ROBO2: variants seen among roughly 807,000 people sequenced by gnomAD.
ROBO2 encodes the protein roundabout homolog 2.
In ROBO2, 53 loss-of-function variants were observed where a neutral mutation model predicts 160.8. That is an observed-to-expected ratio of 0.33 (90% confidence interval 0.26 to 0.41). The LOEUF (loss-of-function observed/expected upper bound fraction) is 0.41. ROBO2 is among the 10% of genes least tolerant of loss of function. The pLI is 1.00. For missense variants in ROBO2, 1,577 were observed against 1,722.4 expected, an observed-to-expected ratio of 0.92 and a Z score of 1.49; for synonymous variants, 664 against 611.7, an observed-to-expected ratio of 1.09 and a Z score of -1.26.
intron 6 of ROBO2, among the ~76,000 whole-genome samples, chr3:77,532,480 A>G (rs1440004083): frequency 6.6e-6 from 1 of 151,952 alleles, no homozygotes; most frequent in Non-Finnish European, 1.5e-5. Context: ...TTATTTCAAT[A>G]ACCTTTTCTT....
At chr3:77,460,804 A>T (rs552261818) in intron 2 of ROBO2, among the ~76,000 whole-genome samples, 2 of 152,302 alleles carry the variant, frequency 1.3e-5, no homozygotes, top group South Asian at 4.1e-4. Context: ...ACATGGAGTT[A>T]TTATATCTGC....
At chr3:76,435,032 T>G (rs3849491) in intron 2 of ROBO2, 13 of 1,345,236 alleles carry the variant, frequency 9.7e-6, no homozygotes, top group Non-Finnish European at 1.4e-5. Flanking sequence ...TGATTGAGGA[T>G]GCAGAGCTGA....
intron 2 of ROBO2, among the ~76,000 whole-genome samples, chr3:77,366,948 C>G (rs2070994397): frequency 6.6e-6 from 1 of 151,772 alleles, no homozygotes. Context: ...GGGACCACCT[C>G]CATTAGGCCC....
chr3:77,072,386 C>T (rs560044715), intron 1 of ROBO2, among the ~76,000 whole-genome samples: 2 of 152,258 alleles, frequency 1.3e-5, no homozygotes, highest in African/African-American at 4.8e-5. Context: ...TCCTGCCGCC[C>T]ACACTACTCC....
intron 2 of ROBO2, among the ~76,000 whole-genome samples, chr3:77,253,794 C>T (rs1292217516): frequency 6.6e-6 from 1 of 152,060 alleles, no homozygotes; most frequent in Admixed American, 6.6e-5. Context: ...ACTCTAGAAC[C>T]AGATCATATT....
At position 76,077,895 on chromosome 3, in the gene ROBO2, A is replaced by G. The variant is rs138292400; in HGVS notation, c.109+140293A>G. ...ATTCTAAGACAAACACTAGTTGCCA[A>G]CTTCCATTGATAACCATTCCCCCTT... On this transcript the variant is annotated intron_variant, in intron 2 of 26. Coordinates refer to the ROBO2 transcript ENST00000487694. Among the ~76,000 whole-genome samples the G allele has an allele frequency of 4.3e-3, 659 of 152,302 alleles. 7 individuals carry two copies. The highest frequency in any genetic ancestry group is 0.015 in the African/African-American group (620 of 41,568).
At chr3:76,470,195 A>G (rs2078583250) in intron 2 of ROBO2, among the ~76,000 whole-genome samples, 2 of 152,160 alleles carry the variant, frequency 1.3e-5, no homozygotes, top group African/African-American at 4.8e-5. Context: ...TATCATTGCT[A>G]TCACAGCTGG....
chr3:76,039,402 C>T (rs72890396), intron 2 of ROBO2, among the ~76,000 whole-genome samples: 1 of 152,012 alleles, frequency 6.6e-6, no homozygotes, highest in African/African-American at 2.4e-5. Flanking sequence ...CAAATGTAGG[C>T]AATCACATAT....
At chr3:76,467,936 T>A (rs1012953346) in intron 2 of ROBO2, among the ~76,000 whole-genome samples, 14 of 152,150 alleles carry the variant, frequency 9.2e-5, no homozygotes, top group Non-Finnish European at 1.3e-4. Flanking sequence ...AGTATTTTTT[T>A]AAAAATTAAT....
intron 2 of ROBO2, among the ~76,000 whole-genome samples, chr3:77,302,079 T>G (rs2062709318): frequency 6.6e-6 from 1 of 150,644 alleles, no homozygotes; most frequent in South Asian, 2.1e-4. Flanking sequence ...ACTAAAGAAC[T>G]TTTTTTTTCC....
intron 2 of ROBO2, among the ~76,000 whole-genome samples, chr3:76,018,504 C>T (rs1372888654): frequency 6.6e-6 from 1 of 151,144 alleles, no homozygotes; most frequent in African/African-American, 2.4e-5. Context: ...TTATTTTTTC[C>T]CTAATATCTT....
chr3:76,817,623 G>A (rs908695807), intron 2 of ROBO2, among the ~76,000 whole-genome samples: 5 of 151,980 alleles, frequency 3.3e-5, no homozygotes, highest in African/African-American at 1.2e-4. Flanking sequence ...CACCCAATGT[G>A]TAGTCTCCTG....
At chr3:76,942,914 T>A (rs1315040171) in intron 2 of ROBO2, among the ~76,000 whole-genome samples, 1 of 152,190 alleles carries the variant, frequency 6.6e-6, no homozygotes, top group Non-Finnish European at 1.5e-5. Flanking sequence ...TTAACTTATG[T>A]TGAGCACCAA....
chr3:76,201,618 T>C (rs1190941505), intron 2 of ROBO2, among the ~76,000 whole-genome samples: 1 of 152,076 alleles, frequency 6.6e-6, no homozygotes, highest in Non-Finnish European at 1.5e-5. Flanking sequence ...AGGTTATAGC[T>C]CTTCCCCATC....
chr3:77,465,869 G>A (rs1286287557), intron 2 of ROBO2, among the ~76,000 whole-genome samples: 1 of 152,082 alleles, frequency 6.6e-6, no homozygotes, highest in East Asian at 1.9e-4. Flanking sequence ...CACTGTCAAT[G>A]GTGTAATATG....
At chr3:77,353,555 G>A (rs2068645461) in intron 2 of ROBO2, among the ~76,000 whole-genome samples, 1 of 152,092 alleles carries the variant, frequency 6.6e-6, no homozygotes, top group African/African-American at 2.4e-5. Context: ...CTGTTGCCCA[G>A]GTTGGAGCAC....
chr3:76,940,408 C>T (rs2078101657), intron 2 of ROBO2, among the ~76,000 whole-genome samples: 1 of 152,190 alleles, frequency 6.6e-6, no homozygotes, highest in East Asian at 1.9e-4. Context: ...AATATTTTTA[C>T]ACTAGGGCCA....
At chr3:77,021,204 A>G (rs115017333) in intron 2 of ROBO2, among the ~76,000 whole-genome samples, 2,590 of 152,182 alleles carry the variant, frequency 0.017, 78 homozygotes, top group African/African-American at 0.058. Context: ...GTCTCCAAAA[A>G]AAAGAAAGAA....
intron 2 of ROBO2, among the ~76,000 whole-genome samples, chr3:76,949,740 A>G (rs1251925950): frequency 6.6e-6 from 1 of 152,214 alleles, no homozygotes; most frequent in Non-Finnish European, 1.5e-5. Context: ...GATGTTTGTT[A>G]AAACAGGACA....
Sources: gnomAD v4.1 joint callset for allele counts (sites outside exome capture counted in the v4.1 genomes callset) on GRCh38, gnomAD v4.1.1 for gene constraint, MANE v1.5 for transcripts, NCBI Gene and HGNC (gene_info 2026-07-23, HGNC 2026-07-21) for gene names.